GPM6B: variants seen among roughly 807,000 people sequenced by gnomAD.
GPM6B encodes neuronal membrane glycoprotein M6-b.
In GPM6B, 4 loss-of-function variants were observed where a neutral mutation model predicts 27.2. That is an observed-to-expected ratio of 0.15 (90% CI 0.07 to 0.34). The LOEUF (loss-of-function observed/expected upper bound fraction) is 0.34. Ranked by LOEUF, GPM6B falls within the 10% of genes least tolerant of loss-of-function variation. The pLI, the probability that GPM6B is intolerant of heterozygous loss-of-function variation, is 1.00. For synonymous variants in GPM6B, 124 were observed against 103.1 expected (o/e 1.20, Z -1.23); for missense variants, 183 against 261.9 (o/e 0.70, Z 2.08).
chrX:13,876,619 A>C (rs926138183), intron 1 of GPM6B, among the ~76,000 whole-genome samples: 3 of 111,481 alleles, frequency 2.7e-5, no homozygotes, highest in Non-Finnish European at 5.6e-5. Context: ...CCAGATGGTC[A>C]ATGGTGGTCT....
rs146058510 is a variant in GPM6B, at chrX:13,863,499, C to T, written c.-198+74828G>A. The stretch of plus-strand genomic sequence containing the variant: ...CCAGAGAAAACCACAAAAGCTATCA[C>T]ACCACAAGCAAAAGTAAGCTAAGAG... On this transcript the variant is annotated intron_variant, in intron 1 of 6. Coordinates refer to the GPM6B transcript ENST00000398361. Among the ~76,000 whole-genome samples the T allele has an allele frequency of 6.7e-3, 751 of 111,550 alleles. 10 individuals are homozygous for T. The highest frequency in any genetic ancestry group is 0.023 in the African/African-American group (708 of 30,737).
intron 7 of GPM6B, chrX:13,774,505 A>G (rs1472373808): frequency 8.3e-7 from 1 of 1,204,969 alleles, no homozygotes; most frequent in Non-Finnish European, 1.1e-6. Flanking sequence ...GTGATATTTC[A>G]TGCTACAGAG....
intron 1 of GPM6B, among the ~76,000 whole-genome samples, chrX:13,809,846 AG>A (rs1211605823): frequency 9.5e-6 from 1 of 105,042 alleles, no homozygotes; most frequent in African/African-American, 3.5e-5. Flanking sequence ...CTGAGGCAGA[AG>A]AATTGCTTGA....
intron 1 of GPM6B, among the ~76,000 whole-genome samples, chrX:13,915,128 C>A (rs748026226): frequency 9.1e-6 from 1 of 109,731 alleles, no homozygotes; most frequent in African/African-American, 3.3e-5. Flanking sequence ...ATTAGCTGGG[C>A]GTGGTGGTGT....
intron 2 of GPM6B, among the ~76,000 whole-genome samples, chrX:13,800,238 G>A (rs908924564): frequency 9.0e-6 from 1 of 111,723 alleles, no homozygotes; most frequent in South Asian, 3.8e-4. Flanking sequence ...GAGGCCCTCA[G>A]TCCCAAAGTA....
chrX:13,880,413 C>T (rs983756400), intron 1 of GPM6B, among the ~76,000 whole-genome samples: 3 of 111,318 alleles, frequency 2.7e-5, no homozygotes, highest in Admixed American at 9.5e-5. Context: ...CGGTGGCTCA[C>T]GCCTGTAATC....
At chrX:13,859,672 A>G (rs1385382814) in intron 1 of GPM6B, among the ~76,000 whole-genome samples, 1 of 111,510 alleles carries the variant, frequency 9.0e-6, no homozygotes, top group Non-Finnish European at 1.9e-5. Context: ...TCATCTAAAA[A>G]AAAAAGTGAA....
chrX:13,808,601 G>C (rs764537987), intron 1 of GPM6B, among the ~76,000 whole-genome samples: 6 of 111,664 alleles, frequency 5.4e-5, no homozygotes, highest in Non-Finnish European at 1.1e-4. Flanking sequence ...GCTATGGCCA[G>C]TTTATCTCCG....
At chrX:13,930,430 C>T (rs375461133) in intron 1 of GPM6B, among the ~76,000 whole-genome samples, 23 of 110,909 alleles carry the variant, frequency 2.1e-4, no homozygotes, top group South Asian at 1.2e-3. Context: ...CTGGCTAACA[C>T]GGTGAAACCC....
upstream of GPM6B, among the ~76,000 whole-genome samples, chrX:13,818,598 C>T (rs1000851214): frequency 8.9e-6 from 1 of 112,236 alleles, no homozygotes; most frequent in African/African-American, 3.2e-5. Flanking sequence ...TAGAAGACCA[C>T]GCCCACAATC....
intron 1 of GPM6B, among the ~76,000 whole-genome samples, chrX:13,874,921 T>C (rs1047303899): frequency 9.9e-6 from 1 of 100,902 alleles, no homozygotes; most frequent in African/African-American, 3.6e-5. Context: ...TTATTTATAC[T>C]CCATACACAT....
intron 1 of GPM6B, among the ~76,000 whole-genome samples, chrX:13,860,539 C>G (rs1230038032): frequency 3.7e-5 from 4 of 109,086 alleles, no homozygotes; most frequent in African/African-American, 1.3e-4. Context: ...CAACTCTTAC[C>G]CTTTTCATAC....
intron 3 of GPM6B, chrX:13,783,910 GACA>G (rs1338171380): frequency 6.0e-6 from 2 of 330,717 alleles, no homozygotes; most frequent in Non-Finnish European, 1.2e-5. Flanking sequence ...TGGCCCAATG[GACA>G]ACATGTTCTT....
intron 1 of GPM6B, among the ~76,000 whole-genome samples, chrX:13,901,439 A>T (rs145603641): frequency 0.28 from 15,636 of 55,237 alleles, 901 homozygotes; most frequent in East Asian, 0.48. Flanking sequence ...TTTTTTTTTA[A>T]AAAAAAAGGA....
intron 1 of GPM6B, among the ~76,000 whole-genome samples, chrX:13,885,833 C>A (rs1264634204): frequency 9.0e-6 from 1 of 111,650 alleles, no homozygotes; most frequent in Non-Finnish European, 1.9e-5. Flanking sequence ...GCAAAGGGTG[C>A]GTGCCAGGGA....
intron 4 of GPM6B, among the ~76,000 whole-genome samples, chrX:13,782,108 G>A (rs1166757350): frequency 1.8e-5 from 2 of 112,214 alleles, no homozygotes; most frequent in Non-Finnish European, 3.8e-5. Context: ...TTAAGCGTAT[G>A]GATGAAACGG....
intron 1 of GPM6B, among the ~76,000 whole-genome samples, chrX:13,925,507 T>G (rs1921124251): frequency 9.7e-6 from 1 of 103,372 alleles, no homozygotes; most frequent in South Asian, 4.5e-4. Flanking sequence ...TTTTTTTTTT[T>G]GGTAGAGATG....
intron 1 of GPM6B, among the ~76,000 whole-genome samples, chrX:13,838,205 C>T (rs1197287866): frequency 2.7e-5 from 3 of 111,157 alleles, no homozygotes; most frequent in Non-Finnish European, 5.7e-5. Context: ...TCACTTCATG[C>T]GTACCTTTCT....
chrX:13,912,068 C>T (rs2050383189), intron 1 of GPM6B, among the ~76,000 whole-genome samples: 1 of 111,813 alleles, frequency 8.9e-6, no homozygotes, highest in Non-Finnish European at 1.9e-5. Flanking sequence ...CCACATAGGG[C>T]GTTATTTCCT....
Sources: allele counts gnomAD v4.1 joint callset (sites outside exome capture counted in the v4.1 genomes callset), GRCh38; gene constraint gnomAD v4.1.1; transcripts MANE v1.5; gene names NCBI Gene and HGNC (gene_info 2026-07-23, HGNC 2026-07-21).